The following CELF1 variants were observed in gnomAD, a reference collection of about 807,000 sequenced individuals.
The protein encoded by CELF1 is 50 kDa nuclear polyadenylated RNA-binding protein.
CELF1 carries 10 observed loss-of-function variants against 61.8 expected under a neutral mutation model. That is an observed-to-expected ratio of 0.16 (90% CI 0.10 to 0.27). The LOEUF (loss-of-function observed/expected upper bound fraction) is 0.27. Ranked by LOEUF, CELF1 falls within the 10% of genes least tolerant of loss-of-function variation. The pLI, the probability that CELF1 is intolerant of heterozygous loss-of-function variation, is 1.00. For missense variants in CELF1, 380 were observed against 639.1 expected, an observed-to-expected ratio of 0.59 and a Z score of 4.37; for synonymous variants, 236 against 225.1, an observed-to-expected ratio of 1.05 and a Z score of -0.43.
intron 1 of CELF1, among the ~76,000 whole-genome samples, chr11:47,551,790 G>C (rs71475921): frequency 6.6e-6 from 1 of 152,076 alleles, no homozygotes; most frequent in African/African-American, 2.4e-5. Flanking sequence ...GAGGCGGGTG[G>C]ATCACCCGAG....
intron 1 of CELF1, among the ~76,000 whole-genome samples, chr11:47,548,743 G>C (rs1598586383): frequency 6.6e-6 from 1 of 151,654 alleles, no homozygotes; most frequent in Non-Finnish European, 1.5e-5. Flanking sequence ...GCGCATGACT[G>C]TAGTCCCAGC....
chr11:47,549,716 G>C (rs937173367), intron 1 of CELF1, among the ~76,000 whole-genome samples: 2 of 152,130 alleles, frequency 1.3e-5, no homozygotes, highest in Admixed American at 1.3e-4. Context: ...TTTCAGATAC[G>C]CAAGATGAAA....
rs537848580 is a variant in CELF1 at position 47,499,556 on chromosome 11, T to C, written c.-33A>G. On this transcript the variant is annotated 5_prime_UTR_variant, in exon 3 of 15. Transcript: ENST00000687097. ...CTCTCCCCTTCAGAAGCCAATGATATTAACTTGCTGCACTTGTCTGATCCA... is the reference window on the plus strand; with the variant it reads ...CTCTCCCCTTCAGAAGCCAATGATACTAACTTGCTGCACTTGTCTGATCCA... The C allele has an allele frequency of 1.3e-6, 2 of 1,501,034 alleles. No homozygotes were observed. The highest frequency in any genetic ancestry group is 2.5e-5 in the East Asian group (1 of 40,722). 93.0% of individuals were successfully genotyped at this position (1,501,034 alleles called of 1,614,324 possible).
chr11:47,557,930 A>G (rs2097210711), upstream of CELF1: 1 of 152,044 alleles, frequency 6.6e-6, no homozygotes. Flanking sequence ...ATATCGGCTC[A>G]CTACAACCTC....
intron 1 of CELF1, among the ~76,000 whole-genome samples, chr11:47,530,547 T>C (rs1399732073): frequency 6.6e-6 from 1 of 152,206 alleles, no homozygotes; most frequent in African/African-American, 2.4e-5. Flanking sequence ...GAGGATGATG[T>C]TTCTCTCTTT....
Position 47,476,709 on chromosome 11 carries a change from A to G in CELF1, c.1087+137T>C, listed in dbSNP as rs571082376. 3.2e-4 allele frequency: 216 copies of G among 678,246 alleles called. 2 individuals are homozygous for G. The highest frequency in any genetic ancestry group is 4.9e-4 in the South Asian group (28 of 57,240). 42.0% of individuals were successfully genotyped at this position (678,246 alleles called of 1,614,324 possible). On this transcript the variant is annotated intron_variant, in intron 12 of 14. Transcript: ENST00000687097. ...CCAAAGTGCTGGGATTAGAGGTGTG[A>G]GCCACCACACCTGGCCCTCATGATT... is the stretch of plus-strand genomic sequence containing the variant.
At chr11:47,519,184 T>C (rs1318911519) in intron 1 of CELF1, among the ~76,000 whole-genome samples, 1 of 152,126 alleles carries the variant, frequency 6.6e-6, no homozygotes, top group African/African-American at 2.4e-5. Flanking sequence ...TATTCTATTC[T>C]ATTATCACTT....
Position 47,469,133 on chromosome 11 carries a change from C to T in CELF1, c.*3097G>A, listed in dbSNP as rs1033253248. 1.3e-5 allele frequency: 2 copies of T among 152,138 alleles called. No homozygotes were observed. Among genetic ancestry groups the T allele is most frequent in the Non-Finnish European group, 2.9e-5 (2 of 68,030 alleles). The allele number at this position is 152,138 out of a possible 1,614,324, so 9.4% of individuals were successfully genotyped here. On this transcript the variant is annotated 3_prime_UTR_variant, in exon 15 of 15. Transcript: ENST00000687097. ...CTAATTGCCAGAGACAGAAGGGAACCTAAGGCTTGGATTTTCCATGAAGCA... is the reference window on the plus strand; with the variant it reads ...CTAATTGCCAGAGACAGAAGGGAACTTAAGGCTTGGATTTTCCATGAAGCA...
chr11:47,539,648 G>A (rs947001765), intron 1 of CELF1, among the ~76,000 whole-genome samples: 2 of 152,006 alleles, frequency 1.3e-5, no homozygotes, highest in African/African-American at 4.8e-5. Flanking sequence ...AAGTTATTTC[G>A]GCTGAAAATA....
chr11:47,563,082 G>A (rs1598761791), intron 2 of CELF1, among the ~76,000 whole-genome samples: 1 of 152,126 alleles, frequency 6.6e-6, no homozygotes, highest in Non-Finnish European at 1.5e-5. Context: ...CAGGTATCGT[G>A]GCACACGTCT....
At chr11:47,564,954 T>G (rs2097240062) in intron 1 of CELF1, among the ~76,000 whole-genome samples, 1 of 152,170 alleles carries the variant, frequency 6.6e-6, no homozygotes, top group Non-Finnish European at 1.5e-5. Context: ...CACTGCTGTT[T>G]GGTCAGATGA....
intron 1 of CELF1, among the ~76,000 whole-genome samples, chr11:47,529,565 A>G (rs1317784787): frequency 6.6e-6 from 1 of 152,120 alleles, no homozygotes; most frequent in Non-Finnish European, 1.5e-5. Flanking sequence ...AGGCTGAGGC[A>G]GGAGAATCAT....
intron 1 of CELF1, among the ~76,000 whole-genome samples, chr11:47,522,680 A>G (rs2095996940): frequency 6.6e-6 from 1 of 152,076 alleles, no homozygotes; most frequent in Non-Finnish European, 1.5e-5. Flanking sequence ...TACAAAAATT[A>G]GCCAGGTGTG....
At chr11:47,563,572 C>G (rs2097233491) in intron 2 of CELF1, among the ~76,000 whole-genome samples, 1 of 152,066 alleles carries the variant, frequency 6.6e-6, no homozygotes, top group Non-Finnish European at 1.5e-5. Context: ...ACCTGTAGTT[C>G]TAGCTACTGG....
chr11:47,519,643 G>C (rs555173891), intron 1 of CELF1, among the ~76,000 whole-genome samples: 10 of 152,032 alleles, frequency 6.6e-5, no homozygotes, highest in African/African-American at 2.4e-4. Context: ...AGGCCAAGGC[G>C]GGTGGATCAC....
At chr11:47,551,870 T>C (rs746194857) in intron 1 of CELF1, among the ~76,000 whole-genome samples, 1 of 151,946 alleles carries the variant, frequency 6.6e-6, no homozygotes, top group South Asian at 2.1e-4. Context: ...ATACGAAAAT[T>C]AGCCAGGCCT....
intron 1 of CELF1, among the ~76,000 whole-genome samples, chr11:47,515,560 T>A (rs1213838174): frequency 6.6e-6 from 1 of 152,208 alleles, no homozygotes; most frequent in Non-Finnish European, 1.5e-5. Flanking sequence ...CTGCACCATA[T>A]GTTAGTACCA....
At chr11:47,516,383 A>C (rs1001931755) in intron 1 of CELF1, among the ~76,000 whole-genome samples, 2 of 152,168 alleles carry the variant, frequency 1.3e-5, no homozygotes, top group Non-Finnish European at 2.9e-5. Flanking sequence ...TTTAAAAGGA[A>C]GGCGAGCAGC....
At chr11:47,529,203 G>A (rs766023411) in intron 1 of CELF1, among the ~76,000 whole-genome samples, 11 of 151,060 alleles carry the variant, frequency 7.3e-5, no homozygotes, top group Middle Eastern at 3.4e-3. Context: ...TCAGCCTCCC[G>A]GGTAGCTGGC....
Sources: allele counts gnomAD v4.1 joint callset (sites outside exome capture counted in the v4.1 genomes callset), GRCh38; gene constraint gnomAD v4.1.1; transcripts MANE v1.5; gene names NCBI Gene and HGNC (gene_info 2026-07-23, HGNC 2026-07-21).